Variants in TMEM245 observed in about 807,000 individuals in gnomAD.
TMEM245 encodes the protein protein CG-2.
Under a neutral mutation model 101.2 loss-of-function variants are expected in TMEM245, and 69 were observed. The observed-to-expected ratio is 0.68, with a 90% CI of 0.56 to 0.83. The LOEUF (loss-of-function observed/expected upper bound fraction) is 0.83. TMEM245 is among the 40% of genes least tolerant of loss of function. The pLI is 0.00. For missense variants in TMEM245, 1,075 were observed against 1,092.8 expected, an observed-to-expected ratio of 0.98 and a Z score of 0.23; for synonymous variants, 537 against 449.8, an observed-to-expected ratio of 1.19 and a Z score of -2.45.
chr9:109,067,689 C>T (rs906009368), intron 9 of TMEM245, among the ~76,000 whole-genome samples: 1 of 152,070 alleles, frequency 6.6e-6, no homozygotes, highest in Non-Finnish European at 1.5e-5. Flanking sequence ...TAACAACTGC[C>T]GAAGACAAGA....
chr9:109,046,674 A>G (rs557182836), intron 14 of TMEM245, among the ~76,000 whole-genome samples: 1 of 152,236 alleles, frequency 6.6e-6, no homozygotes, highest in Non-Finnish European at 1.5e-5. Context: ...TAGCTGCAAC[A>G]TAGATGATGA....
chr9:109,112,319 T>C (rs1018081938), intron 1 of TMEM245, among the ~76,000 whole-genome samples: 1 of 152,032 alleles, frequency 6.6e-6, no homozygotes, highest in Non-Finnish European at 1.5e-5. Flanking sequence ...GGCGGGCAGA[T>C]CACATGAAGT....
rs149154687 is a variant in TMEM245 at position 109,106,376 on chromosome 9, A to T, written c.799+132T>A. On this transcript the variant is annotated intron_variant, in intron 3 of 17. Transcript: ENST00000374586. ...TCTAACAACCTAAAATATTTTAAAC[A>T]ATTTATTTTCCACTCAGAAACCATC... The T allele has an allele frequency of 7.8e-4, 392 of 501,422 alleles. 3 individuals carry two copies. Among genetic ancestry groups the T allele is most frequent in the African/African-American group, 6.8e-3 (349 of 51,538 alleles). 31.1% of individuals were successfully genotyped at this position (501,422 alleles called of 1,614,324 possible). A position where few individuals can be genotyped will look rare whatever the true frequency, so the allele number is the denominator to read the frequency against.
At chr9:109,094,855 A>T (rs1308468080) in intron 3 of TMEM245, among the ~76,000 whole-genome samples, 1 of 152,226 alleles carries the variant, frequency 6.6e-6, no homozygotes, top group African/African-American at 2.4e-5. Flanking sequence ...ATGGCAACAT[A>T]GGATTCTGTC....
chr9:109,046,157 C>G (rs7041716), intron 14 of TMEM245: 1 of 510,992 alleles, frequency 2.0e-6, no homozygotes, highest in Admixed American at 2.0e-5. Context: ...TTCATCAGGA[C>G]ACCCACCCAC....
intron 8 of TMEM245, among the ~76,000 whole-genome samples, chr9:109,075,458 G>C (rs1165354415): frequency 6.6e-6 from 1 of 152,166 alleles, no homozygotes; most frequent in Non-Finnish European, 1.5e-5. Flanking sequence ...CTACATGTTT[G>C]ATAAAACTCA....
intron 12 of TMEM245, among the ~76,000 whole-genome samples, chr9:109,053,017 A>C (rs1438603951): frequency 6.6e-6 from 1 of 152,210 alleles, no homozygotes; most frequent in East Asian, 1.9e-4. Flanking sequence ...AAATCCTTAA[A>C]GTAAAGTGGT....
intron 10 of TMEM245, among the ~76,000 whole-genome samples, chr9:109,062,166 G>C (rs773832573): frequency 3.9e-5 from 6 of 151,992 alleles, no homozygotes; most frequent in Non-Finnish European, 7.4e-5. Context: ...ACACCAGACA[G>C]AGCTAATTTT....
At chr9:109,119,301 G>T in intron 1 of TMEM245, 34 bp downstream of exon 1, 1 of 1,512,096 alleles carries the variant, frequency 6.6e-7, no homozygotes, top group South Asian at 1.2e-5. Context: ...CGGGACCACG[G>T]GCGGGGGACG....
intron 12 of TMEM245, among the ~76,000 whole-genome samples, chr9:109,052,193 CAAAAACAAAATGACCAG>C (rs925989580): frequency 3.3e-5 from 5 of 152,112 alleles, no homozygotes; most frequent in African/African-American, 1.2e-4. Context: ...ATGAAAAATA[CAAAAACAAAATGACCAG>C]AAAAACACCT....
At chr9:109,106,698 A>G (rs1588079591) in intron 2 of TMEM245, 89 bp from the exon 3 acceptor site, 12 of 881,252 alleles carry the variant, frequency 1.4e-5, no homozygotes, top group Middle Eastern at 2.3e-4. Flanking sequence ...TGACAGAACA[A>G]TCTGGTATAT....
At position 109,050,663 on chromosome 9, in the gene TMEM245, G is replaced by A. The variant is rs750711682; in HGVS notation, c.1884C>T (p.Ser628=). The change falls in exon 13 of 18, where the codon AGC becomes AGT. Residue 628 remains serine, a synonymous_variant. Coordinates refer to ENST00000374586, the MANE Select transcript of TMEM245 (RefSeq NM_032012.4). ...SILESLWIVM[S]RNVSLLFTTV... ...TGGTGAACAGCAGGCTCACATTCCG[G>A]CTCATAACGATCCACAGAGACTCCA... is the stretch of plus-strand genomic sequence containing the variant. The A allele has an allele frequency of 6.2e-7, 1 of 1,612,878 alleles. No homozygotes were observed. The highest frequency in any genetic ancestry group is 1.7e-5 in the Admixed American group (1 of 59,782).
At position 109,032,823 on chromosome 9, in the gene TMEM245, T is replaced by G. The variant is rs973003367; in HGVS notation, c.2594+484A>C. Among the ~76,000 whole-genome samples, 74 of 149,734 alleles carry G rather than the reference T, an allele frequency of 4.9e-4. 1 individual carries two copies. Among genetic ancestry groups the G allele is most frequent in the African/African-American group, 1.7e-3 (69 of 40,866 alleles). On this transcript the variant is annotated intron_variant, in intron 17 of 17. Coordinates refer to ENST00000374586, the MANE Select transcript of TMEM245 (RefSeq NM_032012.4). The stretch of plus-strand genomic sequence containing the variant: ...AATATAGGTCTTTTTTTTTTTTTTT[T>G]TTTTATATGCTGTTGCCCAGGCTAG...
At chr9:109,073,224 A>G (rs931807259) in intron 9 of TMEM245, 132 bp downstream of exon 9, 5 of 692,648 alleles carry the variant, frequency 7.2e-6, no homozygotes, top group African/African-American at 5.3e-5. Flanking sequence ...AAAAATGACA[A>G]TATTTATCAA....
chr9:109,072,658 C>G (rs144483244), intron 9 of TMEM245, among the ~76,000 whole-genome samples: 1,989 of 152,254 alleles, frequency 0.013, 23 homozygotes, highest in Non-Finnish European at 0.018. Flanking sequence ...GAATTTGGCC[C>G]TGGGCCATAG....
chr9:109,058,005 A>AT (rs545868479), intron 11 of TMEM245, among the ~76,000 whole-genome samples: 28,675 of 80,830 alleles, frequency 0.35, 3,622 homozygotes, highest in Admixed American at 0.43. Flanking sequence ...TCCTTTCCTC[A>AT]TTTTTTTTTT....
chr9:109,031,287 TAAGAA>T (rs937709384), intron 17 of TMEM245, among the ~76,000 whole-genome samples: 3 of 152,144 alleles, frequency 2.0e-5, no homozygotes, highest in African/African-American at 7.2e-5. Flanking sequence ...CGTGGCAAAA[TAAGAA>T]ATTTTTTTTA....
chr9:109,024,643 A>G (rs1199748636), intron 17 of TMEM245, among the ~76,000 whole-genome samples: 1 of 152,236 alleles, frequency 6.6e-6, no homozygotes, highest in African/African-American at 2.4e-5. Flanking sequence ...GGGTACTTTG[A>G]GTATACACCA....
In TMEM245 at chr9:109,119,583, GCTGCAGCCAGTGGCGGCC is replaced by G. The variant is rs753623934; in HGVS notation, c.313_330del (p.Gly105_Gln110del). 1 of 1,547,646 alleles carries G rather than the reference GCTGCAGCCAGTGGCGGCC, an allele frequency of 6.5e-7. No individual in the cohort carries two copies. The highest frequency in any genetic ancestry group is 1.2e-5 in the South Asian group (1 of 84,118). ...ATGGGCGTGTGCGCGCGGTGCAGGC[GCTGCAGCCAGTGGCGGCC>G]CAGGCGCGTCAGCGAGCTCTTGAAG... On this transcript the variant is annotated inframe_deletion, in exon 1 of 18. Transcript: ENST00000374586.
Sources: gnomAD v4.1 joint callset for allele counts (sites outside exome capture counted in the v4.1 genomes callset) on GRCh38, gnomAD v4.1.1 for gene constraint, MANE v1.5 for transcripts, NCBI Gene and HGNC (gene_info 2026-07-23, HGNC 2026-07-21) for gene names.